RAI2: variants seen among roughly 807,000 people sequenced by gnomAD.
RAI2 encodes the protein retinoic acid-induced protein 2.
A neutral mutation model predicts 15.3 loss-of-function variants in RAI2; 5 were observed. That is an observed-to-expected ratio of 0.33 (90% CI 0.17 to 0.69). The LOEUF is 0.69. Ranked by LOEUF, RAI2 falls within the 30% of genes least tolerant of loss-of-function variation. The pLI is 0.69. For synonymous variants in RAI2, 191 were observed against 184.0 expected (o/e 1.04, Z -0.31); for missense variants, 424 against 424.7 (o/e 1.00, Z 0.01).
chrX:17,828,947 T>C (rs1052075589), intron 1 of RAI2, among the ~76,000 whole-genome samples: 1 of 111,568 alleles, frequency 9.0e-6, no homozygotes, highest in African/African-American at 3.3e-5. Flanking sequence ...AGTAGAGCCT[T>C]ATCAAATTTT....
intron 1 of RAI2, among the ~76,000 whole-genome samples, chrX:17,815,563 G>C (rs2067098407): frequency 9.0e-6 from 1 of 111,416 alleles, no homozygotes; most frequent in Admixed American, 9.5e-5. Context: ...AGGAGATGGT[G>C]GAATGGAGGA....
chrX:17,834,508 T>A (rs924556182), intron 1 of RAI2, among the ~76,000 whole-genome samples: 7 of 110,364 alleles, frequency 6.3e-5, no homozygotes, highest in Non-Finnish European at 1.1e-4. Flanking sequence ...ACACACAGCG[T>A]GCCTATCTAA....
intron 1 of RAI2, among the ~76,000 whole-genome samples, chrX:17,820,981 C>A (rs1209796754): frequency 9.0e-6 from 1 of 111,497 alleles, no homozygotes; most frequent in Non-Finnish European, 1.9e-5. Flanking sequence ...CTCACTGTAG[C>A]CTCCAACTCC....
intron 1 of RAI2, among the ~76,000 whole-genome samples, chrX:17,802,438 G>C (rs1380351734): frequency 2.7e-5 from 3 of 112,558 alleles, no homozygotes; most frequent in African/African-American, 9.7e-5. Flanking sequence ...AAGCAGTGAA[G>C]ACTTACTTTC....
chrX:17,837,072 T>C (rs1260986827), intron 1 of RAI2, among the ~76,000 whole-genome samples: 4 of 111,908 alleles, frequency 3.6e-5, no homozygotes, highest in African/African-American at 1.3e-4. Context: ...TGGTGACATA[T>C]GCTCCAGAGC....
intron 1 of RAI2, among the ~76,000 whole-genome samples, chrX:17,845,333 C>T (rs903225939): frequency 8.9e-6 from 1 of 112,575 alleles, no homozygotes; most frequent in African/African-American, 3.2e-5. Flanking sequence ...TTTTATTTCC[C>T]TGAACTGAAT....
intron 1 of RAI2, among the ~76,000 whole-genome samples, chrX:17,856,488 G>A (rs1432187050): frequency 8.9e-6 from 1 of 112,410 alleles, no homozygotes; most frequent in Non-Finnish European, 1.9e-5. Flanking sequence ...GCCCTCACCA[G>A]ACACTGAATC....
intron 1 of RAI2, among the ~76,000 whole-genome samples, chrX:17,835,117 T>C (rs1281557200): frequency 8.9e-6 from 1 of 111,912 alleles, no homozygotes; most frequent in Non-Finnish European, 1.9e-5. Context: ...TCACCATTGT[T>C]CTTCCGCTCA....
chrX:17,802,722 G>C (rs1301498081), intron 1 of RAI2, among the ~76,000 whole-genome samples: 3 of 111,491 alleles, frequency 2.7e-5, no homozygotes, highest in South Asian at 7.7e-4. Flanking sequence ...TCATCTATCT[G>C]ATCTGTGGCC....
chrX:17,813,560 G>A (rs147132106), intron 1 of RAI2, among the ~76,000 whole-genome samples: 1,155 of 111,463 alleles, frequency 0.01, 11 homozygotes, highest in African/African-American at 0.035. Flanking sequence ...CCATTGGAAG[G>A]CACCTGAGAT....
intron 1 of RAI2, among the ~76,000 whole-genome samples, chrX:17,808,124 T>C (rs186316951): frequency 3.9e-4 from 44 of 111,718 alleles, no homozygotes; most frequent in Admixed American, 3.0e-3. Context: ...CTATCATTAG[T>C]GTATTTTATG....
At chrX:17,815,667 G>C (rs1248449199) in intron 1 of RAI2, among the ~76,000 whole-genome samples, 1 of 111,797 alleles carries the variant, frequency 8.9e-6, no homozygotes, top group Non-Finnish European at 1.9e-5. Context: ...GCCCAGGGCT[G>C]GTGAGGCTTA....
intron 1 of RAI2, among the ~76,000 whole-genome samples, chrX:17,814,979 G>A (rs996457981): frequency 2.7e-5 from 3 of 110,305 alleles, no homozygotes; most frequent in African/African-American, 6.6e-5. Flanking sequence ...GACCCGAGAA[G>A]TACAGACAAT....
chrX:17,810,660 C>G (rs2067037917), intron 1 of RAI2, among the ~76,000 whole-genome samples: 1 of 111,557 alleles, frequency 9.0e-6, no homozygotes, highest in Non-Finnish European at 1.9e-5. Flanking sequence ...AAAGGATGGG[C>G]AAGTGGGAGC....
intron 1 of RAI2, among the ~76,000 whole-genome samples, chrX:17,826,172 C>T (rs2067224726): frequency 8.9e-6 from 1 of 112,479 alleles, no homozygotes; most frequent in African/African-American, 3.2e-5. Flanking sequence ...GGCCTTTGTA[C>T]TGGCCATTTC....
chrX:17,860,973 C>T (rs2147296539), intron 1 of RAI2, 125 bp downstream of exon 1: 1 of 104,891 alleles, frequency 9.5e-6, no homozygotes, highest in South Asian at 4.0e-4. Context: ...GGGAGCAGGC[C>T]CCTCCCCGGG....
At chrX:17,803,245 G>C (rs1040066369) in intron 1 of RAI2, among the ~76,000 whole-genome samples, 5 of 111,515 alleles carry the variant, frequency 4.5e-5, no homozygotes, top group Non-Finnish European at 5.6e-5. Flanking sequence ...AACAAACGAG[G>C]CTGGGTGCAG....
chrX:17,802,159 T>C, intron 1 of RAI2, 125 bp from the exon 2 acceptor site: 1 of 842,673 alleles, frequency 1.2e-6, no homozygotes, highest in South Asian at 3.0e-5. Context: ...CCCATCTCTC[T>C]ATGTATATGT....
intron 1 of RAI2, among the ~76,000 whole-genome samples, chrX:17,841,836 T>C (rs1442281947): frequency 8.9e-6 from 1 of 112,326 alleles, no homozygotes; most frequent in African/African-American, 3.2e-5. Context: ...AAAAGGCCAC[T>C]CAATTCTTGG....
Sources: allele counts gnomAD v4.1 joint callset (sites outside exome capture counted in the v4.1 genomes callset), GRCh38; gene constraint gnomAD v4.1.1; transcripts MANE v1.5; gene names NCBI Gene and HGNC (gene_info 2026-07-23, HGNC 2026-07-21).